The following CAMTA1 variants were observed in gnomAD, a reference collection of about 807,000 sequenced individuals.
CAMTA1 encodes calmodulin binding transcription activator 1, also known as calmodulin-binding transcription activator 1.
A neutral mutation model predicts 170.9 loss-of-function variants in CAMTA1; 27 were observed. The observed-to-expected ratio is 0.16, with a 90% confidence interval of 0.12 to 0.22. CAMTA1 has a LOEUF of 0.22. CAMTA1 is among the 10% of genes least tolerant of loss of function. The pLI is 1.00. For missense variants in CAMTA1, 1,619 were observed against 2,217.2 expected (o/e 0.73, Z 5.42); for synonymous variants, 833 against 891.5 (o/e 0.93, Z 1.17).
chr1:6,791,048 G>T (rs1640946932), intron 1 of CAMTA1, among the ~76,000 whole-genome samples: 1 of 149,810 alleles, frequency 6.7e-6, no homozygotes, highest in Non-Finnish European at 1.5e-5. Context: ...TGTTTCTTTT[G>T]CATTTCCATT....
chr1:7,739,921 G>A (rs1470337779), intron 16 of CAMTA1, among the ~76,000 whole-genome samples: 1 of 151,690 alleles, frequency 6.6e-6, no homozygotes, highest in Non-Finnish European at 1.5e-5. Flanking sequence ...GGTGAGGACA[G>A]CCAAACCATA....
At chr1:7,098,119 G>GTGTA (rs1191121662) in intron 4 of CAMTA1, among the ~76,000 whole-genome samples, 2 of 151,968 alleles carry the variant, frequency 1.3e-5, no homozygotes, top group Non-Finnish European at 2.9e-5. Context: ...GTGTGTGTGT[G>GTGTA]TGCACGTGCG....
At chr1:7,751,922 A>G (rs1468595154) in intron 20 of CAMTA1, among the ~76,000 whole-genome samples, 1 of 152,230 alleles carries the variant, frequency 6.6e-6, no homozygotes, top group Non-Finnish European at 1.5e-5. Context: ...AGACAAGGCT[A>G]TTCTTGACAC....
At chr1:6,802,737 T>C (rs1435136327) in intron 1 of CAMTA1, among the ~76,000 whole-genome samples, 1 of 150,728 alleles carries the variant, frequency 6.6e-6, no homozygotes, top group African/African-American at 2.4e-5. Flanking sequence ...TCTCTCTCTC[T>C]CTCTTTTTTT....
chr1:7,111,884 C>A (rs528356996), intron 4 of CAMTA1, among the ~76,000 whole-genome samples: 1 of 89,002 alleles, frequency 1.1e-5, no homozygotes, highest in African/African-American at 5.1e-5. Context: ...GACTCCATCT[C>A]CAAAAAAAAA....
Position 6,887,811 on chromosome 1 carries a change from A to G in CAMTA1, c.234+62601A>G. ...TGTCTGGCTTTAAGACAGTTCTATT[A>G]GTGAATTAACTGTTCTCAAAACCCC... On this transcript the variant is annotated intron_variant, in intron 3 of 22. Transcript: ENST00000303635. This position sits in a 1 kb window ranked among gnomAD's most constrained non-coding sequence, Gnocchi z 4.1. 6.7e-7 allele frequency: 1 copy of G among 1,500,166 alleles called. No homozygotes were observed. Among genetic ancestry groups the G allele is most frequent in the Non-Finnish European group, 8.8e-7 (1 of 1,130,348 alleles). 92.9% of individuals were successfully genotyped at this position (1,500,166 alleles called of 1,614,324 possible).
At chr1:6,900,118 C>G (rs913790009) in intron 3 of CAMTA1, among the ~76,000 whole-genome samples, 1 of 152,218 alleles carries the variant, frequency 6.6e-6, no homozygotes, top group Non-Finnish European at 1.5e-5. Flanking sequence ...TTACCAGAAG[C>G]TTACAGTAAA....
intron 3 of CAMTA1, among the ~76,000 whole-genome samples, chr1:6,844,601 G>A (rs1557681602): frequency 6.7e-6 from 1 of 149,388 alleles, no homozygotes; most frequent in Non-Finnish European, 1.5e-5. Context: ...TGGGAGAATT[G>A]CTTGGGCCTG....
At chr1:7,177,014 G>A (rs1184059237) in intron 4 of CAMTA1, among the ~76,000 whole-genome samples, 2 of 152,006 alleles carry the variant, frequency 1.3e-5, no homozygotes, top group African/African-American at 4.8e-5. Context: ...GGGTGCCTGG[G>A]GCTGGCTGGG....
intron 6 of CAMTA1, among the ~76,000 whole-genome samples, chr1:7,559,235 A>G (rs2094924540): frequency 6.6e-6 from 1 of 152,100 alleles, no homozygotes; most frequent in Middle Eastern, 3.2e-3. Context: ...CGCACCCCAG[A>G]CATGGGCCTT....
intron 5 of CAMTA1, 37 bp from the exon 6 acceptor site, chr1:7,467,793 C>T: frequency 6.4e-7 from 1 of 1,559,430 alleles, no homozygotes; most frequent in Non-Finnish European, 8.8e-7. Context: ...TTCCTTCCCT[C>T]TTTCCAACTG....
At chr1:7,383,287 T>G (rs74435446) in intron 5 of CAMTA1, among the ~76,000 whole-genome samples, 1 of 151,826 alleles carries the variant, frequency 6.6e-6, no homozygotes, top group Non-Finnish European at 1.5e-5. Flanking sequence ...TTATATTCCC[T>G]AAGGCTCCTT....
intron 1 of CAMTA1, among the ~76,000 whole-genome samples, chr1:6,814,657 A>C (rs1307128276): frequency 6.6e-6 from 1 of 152,210 alleles, no homozygotes; most frequent in Non-Finnish European, 1.5e-5. Flanking sequence ...CACGATGCCT[A>C]GGATGCTAAG....
At chr1:7,083,055 G>A (rs770580683) in intron 3 of CAMTA1, among the ~76,000 whole-genome samples, 14 of 152,190 alleles carry the variant, frequency 9.2e-5, no homozygotes, top group Non-Finnish European at 2.1e-4. Flanking sequence ...ATGAAAGACC[G>A]GGTGAATTGC....
intron 3 of CAMTA1, among the ~76,000 whole-genome samples, chr1:6,908,405 C>A (rs12133292): frequency 0.075 from 11,439 of 152,264 alleles, 660 homozygotes; most frequent in East Asian, 0.25. Context: ...GCCCGCTGCT[C>A]GCTGCAAGTG....
chr1:7,051,514 G>A (rs1362165801), intron 3 of CAMTA1, among the ~76,000 whole-genome samples: 2 of 152,198 alleles, frequency 1.3e-5, no homozygotes, highest in African/African-American at 2.4e-5. Flanking sequence ...GCTACCCAGC[G>A]CTGTGAGTGG....
chr1:7,495,721 A>G (rs2149736081), intron 6 of CAMTA1, among the ~76,000 whole-genome samples: 1 of 152,330 alleles, frequency 6.6e-6, no homozygotes, highest in East Asian at 1.9e-4. Context: ...TGCGGAATGA[A>G]AATTCCTACC....
chr1:7,357,652 G>T (rs1376259996), intron 5 of CAMTA1, among the ~76,000 whole-genome samples: 2 of 151,480 alleles, frequency 1.3e-5, no homozygotes, highest in Non-Finnish European at 2.9e-5. Context: ...GCCCTGGAAA[G>T]CCATAGAAGA....
chr1:7,022,691 T>C (rs900103970), intron 3 of CAMTA1, among the ~76,000 whole-genome samples: 21 of 152,134 alleles, frequency 1.4e-4, no homozygotes, highest in African/African-American at 4.3e-4. Flanking sequence ...GGGTTACCTA[T>C]GTCTAGGGCT....
Sources: allele counts gnomAD v4.1 joint callset (sites outside exome capture counted in the v4.1 genomes callset), GRCh38; gene constraint gnomAD v4.1.1; non-coding constraint Gnocchi (gnomAD v3.1); transcripts MANE v1.5; gene names NCBI Gene and HGNC (gene_info 2026-07-23, HGNC 2026-07-21).